Variants in ROBO2 observed in about 807,000 individuals in gnomAD.
ROBO2 encodes the protein roundabout guidance receptor 2.
Under a neutral mutation model 160.8 loss-of-function variants are expected in ROBO2, and 53 were observed. The ratio of observed to expected loss-of-function variants is 0.33; its 90% CI spans 0.26 to 0.41. ROBO2 has a LOEUF of 0.41. ROBO2 is among the 10% of genes least tolerant of loss of function. ROBO2 has a pLI of 1.00. For synonymous variants in ROBO2, 664 were observed against 611.7 expected (o/e 1.09, Z -1.26); for missense variants, 1,577 against 1,722.4 (o/e 0.92, Z 1.49).
At chr3:77,513,447 A>G (rs2089644454) in intron 5 of ROBO2, among the ~76,000 whole-genome samples, 1 of 151,872 alleles carries the variant, frequency 6.6e-6, no homozygotes, top group African/African-American at 2.4e-5. Context: ...GAAAGCAGGT[A>G]TGTTTATGAG....
At position 77,200,312 on chromosome 3, in the gene ROBO2, TATA is replaced by T. The variant is rs1474625059; in HGVS notation, c.388+101973_388+101975del. On this transcript the variant is annotated intron_variant, in intron 2 of 25. Transcript: ENST00000461745. ...ATATATATATATATATATATATATA[TATA>T]TATATATTTTAGTTTCTATAGGTAA... 3.5e-4 allele frequency among the ~76,000 whole-genome samples: 32 copies of T among 90,672 alleles called. No individual in the cohort carries two copies. In the East Asian group the frequency reaches 7.5e-3, roughly 21 times the overall value. The allele number at this position is 90,672 out of a possible 152,430, so 59.5% of individuals were successfully genotyped here.
upstream of ROBO2, among the ~76,000 whole-genome samples, chr3:77,038,583 A>G (rs963748157): frequency 6.6e-6 from 1 of 152,102 alleles, no homozygotes; most frequent in African/African-American, 2.4e-5. Flanking sequence ...AGGGGGAACT[A>G]AAGACTCACC....
intron 2 of ROBO2, among the ~76,000 whole-genome samples, chr3:76,948,466 T>C (rs1434491291): frequency 6.6e-6 from 1 of 151,906 alleles, no homozygotes; most frequent in East Asian, 1.9e-4. Context: ...ACTCATTGTC[T>C]TTCTGTGCTA....
At chr3:77,449,858 C>A (rs146413923) in intron 2 of ROBO2, among the ~76,000 whole-genome samples, 1 of 152,062 alleles carries the variant, frequency 6.6e-6, no homozygotes, top group African/African-American at 2.4e-5. Context: ...CCAAGTGAGT[C>A]CAGCTCTGTT....
At chr3:77,610,741 C>CAAAAAAAAAA (rs71629658) in intron 21 of ROBO2, among the ~76,000 whole-genome samples, 237 of 19,754 alleles carry the variant, frequency 0.012, 1 homozygote, top group East Asian at 0.033. Flanking sequence ...GGCCAAAGAC[C>CAAAAAAAAAA]AAAAAAAAAA....
At chr3:75,950,311 C>CAAAGTT (rs1412376869) in intron 2 of ROBO2, among the ~76,000 whole-genome samples, 1 of 152,002 alleles carries the variant, frequency 6.6e-6, no homozygotes, top group Non-Finnish European at 1.5e-5. Context: ...CAAATCTCAA[C>CAAAGTT]AAAGTTAAGA....
chr3:76,160,351 T>C (rs1335238001), intron 2 of ROBO2, among the ~76,000 whole-genome samples: 3 of 152,212 alleles, frequency 2.0e-5, no homozygotes, highest in Admixed American at 1.3e-4. Flanking sequence ...TTGGCACCCA[T>C]TGAGTGGAAA....
chr3:77,241,678 T>G (rs538887493), intron 2 of ROBO2, among the ~76,000 whole-genome samples: 1 of 152,300 alleles, frequency 6.6e-6, no homozygotes, highest in East Asian at 1.9e-4. Flanking sequence ...TGCAGACAAG[T>G]TAAGTCAGGT....
chr3:76,055,171 A>T (rs757237477), intron 2 of ROBO2, among the ~76,000 whole-genome samples: 1 of 152,150 alleles, frequency 6.6e-6, no homozygotes, highest in Non-Finnish European at 1.5e-5. Flanking sequence ...CTTATTCAAT[A>T]TCACAAGAAC....
chr3:77,579,326 A>G (rs1212662094), intron 15 of ROBO2, among the ~76,000 whole-genome samples: 1 of 152,142 alleles, frequency 6.6e-6, no homozygotes, highest in Non-Finnish European at 1.5e-5. Context: ...ATGTGTGTGT[A>G]GATATGTGTT....
chr3:76,884,967 T>C (rs1484931611), intron 2 of ROBO2, among the ~76,000 whole-genome samples: 1 of 152,094 alleles, frequency 6.6e-6, no homozygotes, highest in Non-Finnish European at 1.5e-5. Flanking sequence ...TGAGAAGATC[T>C]GGGTCAAGAG....
chr3:76,409,918 C>T (rs1005008995), intron 2 of ROBO2, among the ~76,000 whole-genome samples: 1 of 152,130 alleles, frequency 6.6e-6, no homozygotes, highest in African/African-American at 2.4e-5. Context: ...AAAAGTGCTG[C>T]TCCCCCAAAC....
At chr3:76,113,363 A>T (rs573714375) in intron 2 of ROBO2, among the ~76,000 whole-genome samples, 2 of 152,206 alleles carry the variant, frequency 1.3e-5, no homozygotes, top group South Asian at 4.1e-4. Flanking sequence ...AAGAAAAAAT[A>T]TCAAGCTGAT....
intron 2 of ROBO2, among the ~76,000 whole-genome samples, chr3:77,137,648 A>G (rs991661513): frequency 2.6e-5 from 4 of 152,234 alleles, no homozygotes; most frequent in African/African-American, 9.6e-5. Flanking sequence ...ATCCCCACTG[A>G]TTTCGAGGGA....
intron 2 of ROBO2, among the ~76,000 whole-genome samples, chr3:76,060,484 G>A (rs1201747169): frequency 6.6e-6 from 1 of 152,142 alleles, no homozygotes; most frequent in Non-Finnish European, 1.5e-5. Flanking sequence ...ATTTTAATCA[G>A]CACAGGAAAT....
intron 2 of ROBO2, among the ~76,000 whole-genome samples, chr3:76,995,512 T>G (rs1352339085): frequency 6.6e-6 from 1 of 152,204 alleles, no homozygotes; most frequent in Non-Finnish European, 1.5e-5. Context: ...TCTAGATCAC[T>G]GAGGAATCGC....
At chr3:77,448,920 A>G (rs2080854094) in intron 2 of ROBO2, among the ~76,000 whole-genome samples, 1 of 152,176 alleles carries the variant, frequency 6.6e-6, no homozygotes. Flanking sequence ...TAAATTTATT[A>G]TCTATTTCAT....
At chr3:76,604,298 C>T (rs1431116704) in intron 2 of ROBO2, among the ~76,000 whole-genome samples, 1 of 152,030 alleles carries the variant, frequency 6.6e-6, no homozygotes, top group Non-Finnish European at 1.5e-5. Context: ...ATTGTGCATT[C>T]GAAGTAACAT....
At chr3:76,977,415 G>A (rs181281146) in intron 2 of ROBO2, among the ~76,000 whole-genome samples, 7 of 152,162 alleles carry the variant, frequency 4.6e-5, no homozygotes, top group Admixed American at 4.6e-4. Context: ...ATAAATTTTG[G>A]GCAAGTAGGT....
Sources: gnomAD v4.1 joint callset for allele counts (sites outside exome capture counted in the v4.1 genomes callset) on GRCh38, gnomAD v4.1.1 for gene constraint, MANE v1.5 for transcripts, NCBI Gene and HGNC (gene_info 2026-07-23, HGNC 2026-07-21) for gene names.